Variants in PACS1 observed in about 807,000 individuals in gnomAD.
PACS1 encodes the protein phosphofurin acidic cluster sorting protein 1, also known as PACS-1.
In PACS1, 24 loss-of-function variants were observed where a neutral mutation model predicts 115.0. The observed-to-expected ratio is 0.21, with a 90% CI of 0.15 to 0.29. PACS1 has a LOEUF of 0.29. PACS1 is among the 10% of genes least tolerant of loss of function. The pLI, the probability that PACS1 is intolerant of heterozygous loss-of-function variation, is 1.00. For synonymous variants in PACS1, 453 were observed against 504.5 expected (o/e 0.90, Z 1.37); for missense variants, 838 against 1,251.2 (o/e 0.67, Z 4.98).
At chr11:66,095,853 T>A (rs146090107) in intron 1 of PACS1, among the ~76,000 whole-genome samples, 4 of 152,352 alleles carry the variant, frequency 2.6e-5, no homozygotes, top group Admixed American at 2.6e-4. Flanking sequence ...TTAGGTATTA[T>A]CTGGTGAATT....
chr11:66,142,357 C>A (rs113607920), intron 1 of PACS1, among the ~76,000 whole-genome samples: 36 of 152,120 alleles, frequency 2.4e-4, no homozygotes, highest in African/African-American at 8.4e-4. Flanking sequence ...CTCACACTGT[C>A]GCCCAGGCTG....
At chr11:66,110,905 A>C (rs111965972) in intron 1 of PACS1, among the ~76,000 whole-genome samples, 37 of 152,118 alleles carry the variant, frequency 2.4e-4, no homozygotes, top group African/African-American at 8.7e-4. Flanking sequence ...CAGCTACAAA[A>C]CTTTCTTCCC....
rs1329862427 is a variant in PACS1 at position 66,235,966 on chromosome 11, C to T, written c.2250+26C>T. The T allele has an allele frequency of 4.4e-6, 7 of 1,604,566 alleles. No individual in the cohort carries two copies. The Admixed American group carries it at 5.0e-5, about 11-fold the overall frequency. On this transcript the variant is annotated intron_variant, in intron 19 of 23. Coordinates refer to ENST00000320580, the MANE Select transcript of PACS1 (RefSeq NM_018026.4). The surrounding 1 kb of genome is among the most constrained non-coding windows in gnomAD (Gnocchi z 5.6). ...GTGAGTACTGACTCCCTCTGCTTGGCACCCCACCCGTTCTCCTGGTCTTCC... is the reference window on the plus strand; with the variant it reads ...GTGAGTACTGACTCCCTCTGCTTGGTACCCCACCCGTTCTCCTGGTCTTCC...
At chr11:66,106,442 C>A (rs571454680) in intron 1 of PACS1, among the ~76,000 whole-genome samples, 1 of 151,986 alleles carries the variant, frequency 6.6e-6, no homozygotes, top group Non-Finnish European at 1.5e-5. Context: ...CGTGGTGACA[C>A]GTACCTGTAA....
chr11:66,176,656 C>T (rs374417644), intron 1 of PACS1, among the ~76,000 whole-genome samples: 6 of 152,102 alleles, frequency 3.9e-5, no homozygotes, highest in South Asian at 4.1e-4. Flanking sequence ...GCAAGTGATC[C>T]GCCTGCCTCC....
chr11:66,201,186 T>TC (rs1192194075), intron 2 of PACS1, among the ~76,000 whole-genome samples: 1 of 151,196 alleles, frequency 6.6e-6, no homozygotes, highest in Non-Finnish European at 1.5e-5. Context: ...GCCACTGCAC[T>TC]CCAACCTGGG....
chr11:66,212,357 C>T (rs1453291857), intron 4 of PACS1, among the ~76,000 whole-genome samples: 1 of 150,944 alleles, frequency 6.6e-6, no homozygotes, highest in African/African-American at 2.4e-5. Flanking sequence ...TGGTCTCATT[C>T]TCCTGACCTT....
chr11:66,077,733 G>A (rs1357067398), intron 1 of PACS1, among the ~76,000 whole-genome samples: 1 of 75,758 alleles, frequency 1.3e-5, no homozygotes, highest in African/African-American at 4.7e-5. Context: ...ACGGAGTTTT[G>A]CTCTTGTCAC....
chr11:66,086,039 CACAAA>C (rs1326404098), intron 1 of PACS1, among the ~76,000 whole-genome samples: 2 of 151,410 alleles, frequency 1.3e-5, no homozygotes, highest in African/African-American at 4.9e-5. Context: ...TAAAGTTCTA[CACAAA>C]ACAAAGTATA....
intron 1 of PACS1, among the ~76,000 whole-genome samples, chr11:66,136,485 T>A (rs1279711073): frequency 1.3e-5 from 2 of 152,132 alleles, no homozygotes; most frequent in African/African-American, 2.4e-5. Context: ...ATGAGCACCA[T>A]GGCTTTCAGT....
rs398045235 is a variant in PACS1 at position 66,186,857 on chromosome 11, T to TC, written c.357-6629_357-6628insC. Among the ~76,000 whole-genome samples, 8 of 54,612 alleles carry TC rather than the reference T, an allele frequency of 1.5e-4. No individual in the cohort carries two copies. The Admixed American group carries it at 1.7e-3, about 11-fold the overall frequency. The allele number at this position is 54,612 out of a possible 152,430, so 35.8% of individuals were successfully genotyped here. ...GGGTTTCTGCTGGTGTGTAGGCCCG[T>TC]AACGTTGCCGTTGTTGGCCAGAGGG... On this transcript the variant is annotated intron_variant, in intron 1 of 23. Transcript: ENST00000320580.
Position 66,235,467 on chromosome 11 carries a change from TC to T in PACS1, c.2207+66del. On this transcript the variant is annotated intron_variant, in intron 18 of 23. Coordinates refer to ENST00000320580, the MANE Select transcript of PACS1 (RefSeq NM_018026.4). This position sits in a 1 kb window ranked among gnomAD's most constrained non-coding sequence, Gnocchi z 5.6. ...GGTGGGTTAGAGGAATCTTGAGTCTTCCTTGCTTTCTCACATTTTCCTTCTC... is the reference window on the plus strand; with the variant it reads ...GGTGGGTTAGAGGAATCTTGAGTCTTCTTGCTTTCTCACATTTTCCTTCTC... The T allele has an allele frequency of 2.6e-6, 3 of 1,148,100 alleles. No individual in the cohort carries two copies. The highest frequency in any genetic ancestry group is 3.9e-6 in the Non-Finnish European group (3 of 765,330). The allele number at this position is 1,148,100 out of a possible 1,614,324, so 71.1% of individuals were successfully genotyped here.
intron 1 of PACS1, among the ~76,000 whole-genome samples, chr11:66,108,766 AAAAG>A (rs963588803): frequency 2.6e-5 from 4 of 152,052 alleles, no homozygotes; most frequent in African/African-American, 7.2e-5. Flanking sequence ...CCTTGTCTCA[AAAAG>A]AAAGAGAGAA....
At chr11:66,085,366 T>C (rs959936950) in intron 1 of PACS1, among the ~76,000 whole-genome samples, 2 of 152,142 alleles carry the variant, frequency 1.3e-5, no homozygotes, top group Non-Finnish European at 2.9e-5. Flanking sequence ...AGCCCTTTGC[T>C]CAAGATTGCC....
At chr11:66,183,263 T>G (rs1176700192) in intron 1 of PACS1, among the ~76,000 whole-genome samples, 1 of 152,226 alleles carries the variant, frequency 6.6e-6, no homozygotes, top group African/African-American at 2.4e-5. Context: ...AAGAATATAG[T>G]GCTCAGAAAT....
chr11:66,120,166 G>C (rs867401051), intron 1 of PACS1, among the ~76,000 whole-genome samples: 1 of 34,882 alleles, frequency 2.9e-5, no homozygotes, highest in Non-Finnish European at 6.2e-5. Context: ...TTTTTTTTTT[G>C]AGACAGAGTC....
At chr11:66,229,957 C>CAA (rs34895785) in intron 11 of PACS1, among the ~76,000 whole-genome samples, 16 of 134,616 alleles carry the variant, frequency 1.2e-4, no homozygotes, top group African/African-American at 1.6e-4. Context: ...AAGTCCATCC[C>CAA]AAAAAAAAAA....
chr11:66,140,832 G>C (rs1432966262), intron 1 of PACS1, among the ~76,000 whole-genome samples: 16 of 151,970 alleles, frequency 1.1e-4, no homozygotes, highest in Non-Finnish European at 2.9e-5. Context: ...ACATACTATG[G>C]ACATTGTTCT....
chr11:66,119,603 T>C (rs1486641395), intron 1 of PACS1, among the ~76,000 whole-genome samples: 1 of 152,270 alleles, frequency 6.6e-6, no homozygotes, highest in Admixed American at 6.5e-5. Context: ...ACATCTCTTT[T>C]CCTATCTCCC....
Sources: allele counts gnomAD v4.1 joint callset (sites outside exome capture counted in the v4.1 genomes callset), GRCh38; gene constraint gnomAD v4.1.1; non-coding constraint Gnocchi (gnomAD v3.1); transcripts MANE v1.5; gene names NCBI Gene and HGNC (gene_info 2026-07-23, HGNC 2026-07-21).